The following MAK16 variants were observed in gnomAD, a reference collection of about 807,000 sequenced individuals.
MAK16 encodes protein MAK16 homolog.
Under a neutral mutation model 49.9 loss-of-function variants are expected in MAK16, and 12 were observed. The observed-to-expected ratio is 0.24, with a 90% confidence interval of 0.15 to 0.39. MAK16 has a LOEUF of 0.39. MAK16 is among the 10% of genes least tolerant of loss of function. The pLI is 1.00. For synonymous variants in MAK16, 115 were observed against 126.4 expected (o/e 0.91, Z 0.60); for missense variants, 292 against 363.7 (o/e 0.80, Z 1.60).
In MAK16 at chr8:33,488,580, A is replaced by T. The variant is rs1402077484; in HGVS notation, c.126A>T (p.Ser42=). 6.2e-7 allele frequency: 1 copy of T among 1,614,212 alleles called. No homozygotes were observed. Among genetic ancestry groups the T allele is most frequent in the Admixed American group, 1.7e-5 (1 of 60,008 alleles). The part of the protein sequence containing the change: ...EYSLTGLCNR[S]SCPLANSQYA... ...GCCTGACTGGACTGTGTAATCGGTC[A>T]TCCTGTCCCCTGGCAAATAGTCAGT... Residue 42 remains serine (S), a synonymous_variant, in exon 3 of 10, where the codon TCA becomes TCT. Transcript: ENST00000360128.
rs1340222179 is a variant in MAK16 at position 33,498,428 on chromosome 8, A to T, written c.706-4A>T. On this transcript the variant is annotated splice_polypyrimidine_tract_variant and splice_region_variant and intron_variant, in intron 9 of 9. Transcript: ENST00000360128. The stretch of plus-strand genomic sequence containing the variant: ...TTCCTTTATCTTTTCTCTCCCCGTA[A>T]TAGGATATGGATAAACTGGATGCCA... The T allele has an allele frequency of 6.2e-7, 1 of 1,613,382 alleles. No individual in the cohort carries two copies. Among genetic ancestry groups the T allele is most frequent in the South Asian group, 1.1e-5 (1 of 90,998 alleles).
At chr8:33,492,778 A>G (rs1829189) in intron 6 of MAK16, among the ~76,000 whole-genome samples, 90,976 of 151,672 alleles carry the variant, frequency 0.6, 27,492 homozygotes, top group African/African-American at 0.63. Flanking sequence ...TGCCATTACT[A>G]TAGTGTTGTG....
chr8:33,498,292 A>AAT, intron 9 of MAK16, 140 bp from the exon 10 acceptor site: 1 of 722,748 alleles, frequency 1.4e-6, no homozygotes, highest in Non-Finnish European at 2.1e-6. Context: ...AAAAAAAAAA[A>AAT]TTAAAGAAAG....
At position 33,499,084 on chromosome 8, in the gene MAK16, G is replaced by A; in HGVS notation, c.*455G>A. 3 of 1,139,612 alleles carry A rather than the reference G, an allele frequency of 2.6e-6. No homozygotes were observed. Among genetic ancestry groups the A allele is most frequent in the Non-Finnish European group, 3.9e-6 (3 of 763,822 alleles). The allele number at this position is 1,139,612 out of a possible 1,614,324, so 70.6% of individuals were successfully genotyped here. A position where few individuals can be genotyped will look rare whatever the true frequency, so the allele number is the denominator to read the frequency against. On this transcript the variant is annotated 3_prime_UTR_variant, in exon 10 of 10. Coordinates refer to ENST00000360128, the MANE Select transcript of MAK16 (RefSeq NM_032509.4). ...GCAGCTTTCACTTACAAAGTTTCGT[G>A]TAAAAATATCTTTTTTTCTTAAATA...
At chr8:33,485,299 G>C (rs115327016) in intron 1 of MAK16, 78 bp downstream of exon 1, 1 of 1,584,098 alleles carries the variant, frequency 6.3e-7, no homozygotes. Context: ...TAGAAAACGC[G>C]TACGCAGCGG....
chr8:33,498,383 GA>G (rs1392178744), intron 9 of MAK16, 48 bp from the exon 10 acceptor site: 11 of 1,554,438 alleles, frequency 7.1e-6, no homozygotes, highest in African/African-American at 1.4e-5. Context: ...GGAGTTTGGA[GA>G]AATCTAGTGT....
intron 6 of MAK16, among the ~76,000 whole-genome samples, chr8:33,492,237 C>T (rs892983476): frequency 1.3e-5 from 2 of 152,142 alleles, no homozygotes; most frequent in African/African-American, 4.8e-5. Flanking sequence ...GTCTCGAACT[C>T]CTGACCTCAG....
intron 9 of MAK16, 93 bp downstream of exon 9, chr8:33,497,390 T>C: frequency 2.1e-6 from 2 of 942,510 alleles, no homozygotes; most frequent in Non-Finnish European, 3.3e-6. Context: ...CGTGGTTCAC[T>C]CCTATAATTG....
chr8:33,500,400 A>T lies in MAK16; in HGVS notation c.*1771A>T, dbSNP rs2128826629. 1 of 1,614,104 alleles carries T rather than the reference A, an allele frequency of 6.2e-7. No homozygotes were observed. The highest frequency in any genetic ancestry group is 1.1e-5 in the South Asian group (1 of 91,086). On this transcript the variant is annotated 3_prime_UTR_variant, in exon 10 of 10. Transcript: ENST00000360128. ...TGGCCTCCTGTAGCAGGGCGCTCTTAACAGACTCAGGTGTAAGGTTTGGAT... is the reference window on the plus strand; with the variant it reads ...TGGCCTCCTGTAGCAGGGCGCTCTTTACAGACTCAGGTGTAAGGTTTGGAT...
At chr8:33,498,322 A>G in intron 9 of MAK16, 110 bp from the exon 10 acceptor site, 2 of 906,534 alleles carry the variant, frequency 2.2e-6, no homozygotes, top group Non-Finnish European at 3.3e-6. Context: ...CTGAACACAG[A>G]CATAGACAAA....
At chr8:33,490,202 A>G (rs1329750121) in intron 5 of MAK16, 83 bp from the exon 6 acceptor site, 3 of 1,192,324 alleles carry the variant, frequency 2.5e-6, no homozygotes, top group Non-Finnish European at 3.7e-6. Flanking sequence ...TTAGTCACCA[A>G]TTCCAATCCT....
At chr8:33,494,161 C>T (rs1035270795) in intron 6 of MAK16, among the ~76,000 whole-genome samples, 1 of 152,140 alleles carries the variant, frequency 6.6e-6, no homozygotes, top group Non-Finnish European at 1.5e-5. Flanking sequence ...GCAACCTCCA[C>T]CTCCTGGGTT....
chr8:33,489,267 G>T lies in MAK16; in HGVS notation c.392+128G>T. 1.3e-6 allele frequency: 1 copy of T among 791,130 alleles called. No individual in the cohort carries two copies. The highest frequency in any genetic ancestry group is 2.0e-6 in the Non-Finnish European group (1 of 506,558). The allele number at this position is 791,130 out of a possible 1,614,324, so 49.0% of individuals were successfully genotyped here. A position where few individuals can be genotyped will look rare whatever the true frequency, so the allele number is the denominator to read the frequency against. ...GGAGTCTGTTATGATGTACTAAAGA[G>T]AAACTTTAGCTTTGACTAAAGGTGT... On this transcript the variant is annotated intron_variant, in intron 5 of 9. Transcript: ENST00000360128. This position sits in a 1 kb window ranked among gnomAD's most constrained non-coding sequence, Gnocchi z 4.2.
At position 33,488,631 on chromosome 8, in the gene MAK16, T is replaced by C; in HGVS notation, c.175+2T>C. ...ATGCCACTATTAAAGAAGAGAAAGG[T>C]AACTCCCCAGTTTTAACTTCTAGAA... On this transcript the variant is annotated splice_donor_variant, in intron 3 of 9. Coordinates refer to ENST00000360128, the MANE Select transcript of MAK16 (RefSeq NM_032509.4). LOFTEE classifies it high-confidence loss of function. The C allele has an allele frequency of 6.2e-7, 1 of 1,613,858 alleles. No individual in the cohort carries two copies. The highest frequency in any genetic ancestry group is 8.5e-7 in the Non-Finnish European group (1 of 1,179,774).
At chr8:33,492,020 T>C (rs1808786879) in intron 6 of MAK16, among the ~76,000 whole-genome samples, 1 of 151,914 alleles carries the variant, frequency 6.6e-6, no homozygotes, top group African/African-American at 2.4e-5. Context: ...TTGTTTTGTT[T>C]TGTTTTTGAG....
rs1554526008 is a variant in MAK16, at chr8:33,498,689, T to TA, written c.*61dup. The TA allele has an allele frequency of 3.7e-5, 52 of 1,410,112 alleles. No homozygotes were observed. Among genetic ancestry groups the TA allele is most frequent in the South Asian group, 1.0e-4 (8 of 78,288 alleles). 87.3% of individuals were successfully genotyped at this position (1,410,112 alleles called of 1,614,324 possible). ...TGCAGAACTGTTTTTTTTTTTTTTT[T>TA]ATCTTAAACACATACACACCTCCAG... On this transcript the variant is annotated 3_prime_UTR_variant, in exon 10 of 10. Transcript: ENST00000360128.
chr8:33,500,622 A>C lies in MAK16; in HGVS notation c.*1993A>C, dbSNP rs1809040125. 2 of 1,147,678 alleles carry C rather than the reference A, an allele frequency of 1.7e-6. No individual in the cohort carries two copies. Among genetic ancestry groups the C allele is most frequent in the Non-Finnish European group, 2.4e-6 (2 of 824,858 alleles). The allele number at this position is 1,147,678 out of a possible 1,614,324, so 71.1% of individuals were successfully genotyped here. A position where few individuals can be genotyped will look rare whatever the true frequency, so the allele number is the denominator to read the frequency against. On this transcript the variant is annotated 3_prime_UTR_variant, in exon 10 of 10. Transcript: ENST00000360128. ...AACTTAGGTCAAAGTTAAATGAAAA[A>C]GACCTAAAAACAGAACCAAAGACAG...
In MAK16 at chr8:33,490,318, G is replaced by A; in HGVS notation, c.426G>A (p.Glu142=). ...RKLVPLSKKV[E]RREKRREEKA... ...TTGTTCCTTTGAGTAAGAAGGTGGAGCGTAGGGAGAAAAGAAGAGAGGTAA... is the reference window on the plus strand; with the variant it reads ...TTGTTCCTTTGAGTAAGAAGGTGGAACGTAGGGAGAAAAGAAGAGAGGTAA... The change falls in exon 6 of 10, where the codon GAG becomes GAA. Residue 142 remains glutamate (E), a synonymous_variant. Transcript: ENST00000360128. The A allele has an allele frequency of 3.1e-6, 5 of 1,613,184 alleles. No individual in the cohort carries two copies. The highest frequency in any genetic ancestry group is 1.1e-5 in the South Asian group (1 of 91,030).
chr8:33,489,309 G>T lies in MAK16; in HGVS notation c.392+170G>T. 1 of 596,470 alleles carries T rather than the reference G, an allele frequency of 1.7e-6. No individual in the cohort carries two copies. The highest frequency in any genetic ancestry group is 2.9e-6 in the Non-Finnish European group (1 of 343,062). The allele number at this position is 596,470 out of a possible 1,614,324, so 36.9% of individuals were successfully genotyped here. On this transcript the variant is annotated intron_variant, in intron 5 of 9. Transcript: ENST00000360128. The surrounding 1 kb of genome is among the most constrained non-coding windows in gnomAD (Gnocchi z 4.2). ...TAAAGGTGTGCCCTTTGATATGGCA[G>T]GACTTTTAAAACAGTAGAATACAAC...
Sources: allele counts gnomAD v4.1 joint callset (sites outside exome capture counted in the v4.1 genomes callset), GRCh38; gene constraint gnomAD v4.1.1; non-coding constraint Gnocchi (gnomAD v3.1); transcripts MANE v1.5; gene names NCBI Gene and HGNC (gene_info 2026-07-23, HGNC 2026-07-21).